Variants in SPDL1 observed in about 807,000 individuals in gnomAD.
SPDL1 encodes the protein protein Spindly.
A neutral mutation model predicts 79.5 loss-of-function variants in SPDL1; 85 were observed. The observed-to-expected ratio is 1.07, with a 90% CI of 0.90 to 1.28. SPDL1 has a LOEUF of 1.28. SPDL1 is among the 50% of genes most tolerant of loss of function. SPDL1 has a pLI of 0.00. For synonymous variants in SPDL1, 269 were observed against 240.3 expected, an observed-to-expected ratio of 1.12 and a Z score of -1.10; for missense variants, 703 against 697.8, an observed-to-expected ratio of 1.01 and a Z score of -0.08.
chr5:169,604,618 A>C lies in SPDL1; in HGVS notation c.*411A>C, dbSNP rs1244420026. The C allele has an allele frequency of 1.3e-5, 2 of 152,396 alleles. No homozygotes were observed. The highest frequency in any genetic ancestry group is 2.9e-5 in the Non-Finnish European group (2 of 68,178). 9.4% of individuals were successfully genotyped at this position (152,396 alleles called of 1,614,324 possible). On this transcript the variant is annotated 3_prime_UTR_variant, in exon 12 of 12. Transcript: ENST00000265295. ...ATGTTGTAAAAATGGGAAGGTTGTA[A>C]ACTATGTTGTAAAAATAGGAAATGT...
intron 1 of SPDL1, chr5:169,586,205 C>T (rs1280203300): frequency 6.6e-6 from 1 of 152,306 alleles, no homozygotes; most frequent in Non-Finnish European, 1.5e-5. Flanking sequence ...GATATCAAAA[C>T]TGTTCTTGTC....
intron 2 of SPDL1, among the ~76,000 whole-genome samples, chr5:169,589,598 T>G (rs1345021556): frequency 1.3e-5 from 2 of 152,050 alleles, no homozygotes; most frequent in Non-Finnish European, 2.9e-5. Flanking sequence ...TCACTGCTCT[T>G]GGGTTGAGTC....
At chr5:169,584,394 C>T (rs1001727947) in intron 1 of SPDL1, among the ~76,000 whole-genome samples, 1 of 152,134 alleles carries the variant, frequency 6.6e-6, no homozygotes, top group East Asian at 1.9e-4. Context: ...GTACATGACT[C>T]GCGTTATATT....
intron 1 of SPDL1, chr5:169,586,322 C>T (rs915708969): frequency 6.6e-6 from 1 of 152,328 alleles, no homozygotes; most frequent in Non-Finnish European, 1.5e-5. Flanking sequence ...CTCCTTAATA[C>T]ACTGTTTATT....
In SPDL1 at chr5:169,590,445, A is replaced by T. The variant is rs200883774; in HGVS notation, c.160-603A>T. Reference sequence around the variant, plus strand: ...AAATGGTTTTTGAGGGGAATATTTTATCATTTTTTAAAGCCTCTTGAAGGA... The same window carrying T: ...AAATGGTTTTTGAGGGGAATATTTTTTCATTTTTTAAAGCCTCTTGAAGGA... On this transcript the variant is annotated intron_variant, in intron 2 of 11. Transcript: ENST00000265295. 5.9e-5 allele frequency among the ~76,000 whole-genome samples: 9 copies of T among 152,322 alleles called. No individual in the cohort carries two copies. In the East Asian group the frequency reaches 1.7e-3, roughly 29 times the overall value.
At chr5:169,589,584 C>T (rs1755165665) in intron 2 of SPDL1, among the ~76,000 whole-genome samples, 1 of 150,730 alleles carries the variant, frequency 6.6e-6, no homozygotes, top group Non-Finnish European at 1.5e-5. Context: ...GAGTTGTTTA[C>T]CCCTCACTGC....
At position 169,591,272 on chromosome 5, in the gene SPDL1, G is replaced by A. The variant is rs200313275; in HGVS notation, c.336+48G>A. ...GCACAAAATATTCCATATTTATGCA[G>A]CCATCTGTAAACTTTAGATGATAAA... On this transcript the variant is annotated intron_variant, in intron 3 of 11. Coordinates refer to ENST00000265295, the MANE Select transcript of SPDL1 (RefSeq NM_017785.5). 3 of 1,572,926 alleles carry A rather than the reference G, an allele frequency of 1.9e-6. No individual in the cohort carries two copies. The East Asian group carries it at 6.8e-5, about 36-fold the overall frequency.
chr5:169,590,389 C>T (rs755227807), intron 2 of SPDL1, among the ~76,000 whole-genome samples: 4 of 152,196 alleles, frequency 2.6e-5, no homozygotes, highest in Middle Eastern at 3.2e-3. Context: ...CAGTGTTTAA[C>T]AGTTAATACT....
chr5:169,598,906 T>C, intron 9 of SPDL1, 66 bp from the exon 10 acceptor site: 2 of 1,484,004 alleles, frequency 1.3e-6, no homozygotes. Context: ...CGATGAAATA[T>C]TTATACCACT....
chr5:169,584,233 T>TC, intron 1 of SPDL1: 1 of 152,280 alleles, frequency 6.6e-6, no homozygotes, highest in South Asian at 2.1e-4. Context: ...GTTTCAGAGA[T>TC]AGCGCATAAG....
In SPDL1 at chr5:169,594,676, A is replaced by C; in HGVS notation, c.886A>C (p.Met296Leu). 4 of 1,608,486 alleles carry C rather than the reference A, an allele frequency of 2.5e-6. No homozygotes were observed. Among genetic ancestry groups the C allele is most frequent in the Non-Finnish European group, 3.4e-6 (4 of 1,175,156 alleles). The change falls in exon 7 of 12, where the codon ATG becomes CTG. Residue 296 changes from methionine to leucine, a missense_variant. By Grantham distance (15) the Met-to-Leu change is conservative (BLOSUM62 2). Coordinates refer to ENST00000265295, the MANE Select transcript of SPDL1 (RefSeq NM_017785.5). ...NVFNREQMQR[M>L]KLQIATLLQM... is the part of the protein sequence containing the mutation. The stretch of plus-strand genomic sequence containing the variant: ...ATTTAACAGAGAACAGATGCAGAGA[A>C]TGAAGGTATAGAACTTTCACTATCA...
chr5:169,592,838 A>G (rs1755368039), intron 3 of SPDL1, among the ~76,000 whole-genome samples: 1 of 144,658 alleles, frequency 6.9e-6, no homozygotes, highest in African/African-American at 2.6e-5. Flanking sequence ...GGTGGAGCAA[A>G]GAGTACATTA....
chr5:169,590,105 T>C lies in SPDL1; in HGVS notation c.160-943T>C, dbSNP rs17071484. Among the ~76,000 whole-genome samples the C allele has an allele frequency of 6.0e-3, 907 of 150,852 alleles. 3 individuals are homozygous for C. Among genetic ancestry groups the C allele is most frequent in the African/African-American group, 0.022 (866 of 40,198 alleles). ...ATCCTGAATGCCTGCCACACGATTA[T>C]TTCTTAAAAGAATGAATGAATAAAT... is the stretch of plus-strand genomic sequence containing the variant. On this transcript the variant is annotated intron_variant, in intron 2 of 11. Coordinates refer to ENST00000265295, the MANE Select transcript of SPDL1 (RefSeq NM_017785.5).
rs933915024 is a variant in SPDL1 at position 169,594,007 on chromosome 5, T to C, written c.532-138T>C. The stretch of plus-strand genomic sequence containing the variant: ...TAACAGTAATAGTAATTTCTATTAT[T>C]TTAGAATGTACCTGACAACTTTTGA... On this transcript the variant is annotated intron_variant, in intron 4 of 11. Coordinates refer to ENST00000265295, the MANE Select transcript of SPDL1 (RefSeq NM_017785.5). 13 of 631,256 alleles carry C rather than the reference T, an allele frequency of 2.1e-5. No homozygotes were observed. In the African/African-American group the frequency reaches 2.4e-4, roughly 12 times the overall value. 39.1% of individuals were successfully genotyped at this position (631,256 alleles called of 1,614,324 possible).
At chr5:169,595,050 C>T (rs1224587765) in intron 7 of SPDL1, among the ~76,000 whole-genome samples, 5 of 152,198 alleles carry the variant, frequency 3.3e-5, no homozygotes, top group African/African-American at 1.2e-4. Flanking sequence ...CTCGCTGCCT[C>T]ACCATTCCTC....
intron 3 of SPDL1, among the ~76,000 whole-genome samples, chr5:169,591,886 A>T (rs1223498703): frequency 6.6e-6 from 1 of 152,198 alleles, no homozygotes; most frequent in Non-Finnish European, 1.5e-5. Context: ...TTCAAACATA[A>T]ACGCAAGATA....
chr5:169,601,931 T>C (rs371613258), intron 11 of SPDL1: 2 of 381,368 alleles, frequency 5.2e-6, no homozygotes, highest in Non-Finnish European at 4.9e-6. Context: ...TGTACTGTTA[T>C]TTTTCTCCTG....
intron 3 of SPDL1, among the ~76,000 whole-genome samples, chr5:169,592,911 TA>T (rs1388802617): frequency 5.3e-5 from 8 of 151,452 alleles, no homozygotes; most frequent in Non-Finnish European, 1.0e-4. Context: ...ATTTTTTTAA[TA>T]CCTTTTCTTC....
chr5:169,600,002 A>G (rs1356212109), intron 10 of SPDL1, among the ~76,000 whole-genome samples: 1 of 152,218 alleles, frequency 6.6e-6, no homozygotes, highest in African/African-American at 2.4e-5. Flanking sequence ...GCCTAACCAT[A>G]CAGTCTCTGC....
Sources: allele counts gnomAD v4.1 joint callset (sites outside exome capture counted in the v4.1 genomes callset), GRCh38; gene constraint gnomAD v4.1.1; transcripts MANE v1.5; gene names NCBI Gene and HGNC (gene_info 2026-07-23, HGNC 2026-07-21).